The following ADAMTSL1 variants were observed in gnomAD, a reference collection of about 807,000 sequenced individuals.
The protein encoded by ADAMTSL1 is ADAMTS like 1, also known as ADAMTS-like protein 1.
Under a neutral mutation model 201.8 loss-of-function variants are expected in ADAMTSL1, and 126 were observed. That is an observed-to-expected ratio of 0.62 (90% CI 0.54 to 0.72). The LOEUF (loss-of-function observed/expected upper bound fraction) is 0.72. Ranked by LOEUF, ADAMTSL1 falls within the 30% of genes least tolerant of loss-of-function variation. The pLI is 0.00. For missense variants in ADAMTSL1, 2,679 were observed against 2,277.8 expected (o/e 1.18, Z -3.59); for synonymous variants, 1,121 against 903.4 (o/e 1.24, Z -4.32).
chr9:18,515,710 T>C (rs757896988), intron 2 of ADAMTSL1, among the ~76,000 whole-genome samples: 1 of 152,196 alleles, frequency 6.6e-6, no homozygotes, highest in East Asian at 1.9e-4. Context: ...AGAGAAGTCA[T>C]GGATACAAGC....
intron 1 of ADAMTSL1, among the ~76,000 whole-genome samples, chr9:17,994,025 C>T (rs927546054): frequency 1.3e-5 from 2 of 151,600 alleles, no homozygotes; most frequent in Non-Finnish European, 2.9e-5. Flanking sequence ...TTTTGCCCCT[C>T]AGTAATACAG....
intron 1 of ADAMTSL1, among the ~76,000 whole-genome samples, chr9:18,149,601 T>C (rs1826819088): frequency 1.3e-5 from 2 of 151,980 alleles, no homozygotes; most frequent in Admixed American, 6.6e-5. Flanking sequence ...GAACTGATAA[T>C]ATAATGAGAT....
chr9:18,341,354 A>G (rs1461620827), intron 2 of ADAMTSL1, among the ~76,000 whole-genome samples: 1 of 152,078 alleles, frequency 6.6e-6, no homozygotes, highest in Non-Finnish European at 1.5e-5. Flanking sequence ...TGCCTATCCA[A>G]CATTCTTCAT....
intron 2 of ADAMTSL1, among the ~76,000 whole-genome samples, chr9:18,229,081 G>A (rs1411186906): frequency 6.6e-6 from 1 of 152,086 alleles, no homozygotes; most frequent in Admixed American, 6.6e-5. Context: ...GCATAGGATG[G>A]AGAAGAGGCA....
In ADAMTSL1 at chr9:18,606,330, C is replaced by T. The variant is rs138488305; in HGVS notation, c.475-15913C>T. Reference sequence around the variant, plus strand: ...AAGTTTTTGTTTCCTGAGAAACTGCCCTTTGGGAATATCTTTGTTTTTTGA... The same window carrying T: ...AAGTTTTTGTTTCCTGAGAAACTGCTCTTTGGGAATATCTTTGTTTTTTGA... On this transcript the variant is annotated intron_variant, in intron 4 of 28. Transcript: ENST00000380548. 5.7e-3 allele frequency among the ~76,000 whole-genome samples: 872 copies of T among 152,132 alleles called. 13 individuals carry two copies. The highest frequency in any genetic ancestry group is 0.02 in the African/African-American group (831 of 41,496).
chr9:18,138,669 C>T (rs1280869215), intron 1 of ADAMTSL1, among the ~76,000 whole-genome samples: 3 of 152,054 alleles, frequency 2.0e-5, no homozygotes, highest in Non-Finnish European at 4.4e-5. Flanking sequence ...ACTATAGAGA[C>T]ACAGTAAGCG....
chr9:18,612,272 A>G (rs1051984877), intron 4 of ADAMTSL1, among the ~76,000 whole-genome samples: 1 of 152,144 alleles, frequency 6.6e-6, no homozygotes, highest in Non-Finnish European at 1.5e-5. Flanking sequence ...GTCCTTAGAG[A>G]TCTTTTTCTT....
At chr9:18,109,479 C>G (rs1272155882) in intron 1 of ADAMTSL1, among the ~76,000 whole-genome samples, 2 of 152,166 alleles carry the variant, frequency 1.3e-5, no homozygotes, top group East Asian at 3.9e-4. Context: ...CATCCTCCCT[C>G]CTGTCATCCA....
At chr9:18,158,592 T>C (rs1827254846) in intron 1 of ADAMTSL1, among the ~76,000 whole-genome samples, 1 of 152,080 alleles carries the variant, frequency 6.6e-6, no homozygotes, top group Non-Finnish European at 1.5e-5. Context: ...TTTACTGAAA[T>C]CTGGTAAACT....
rs563483223 is a variant in ADAMTSL1, at chr9:18,287,919, T to A, written c.207+123938T>A. ...TACTCCCTGAAGTATATGTAATTAA[T>A]GATAAGCTCAGCTTAGCAAATTAAA... On this transcript the variant is annotated intron_variant, in intron 2 of 29. Coordinates refer to the ADAMTSL1 transcript ENST00000680146. Among the ~76,000 whole-genome samples, 109 of 152,318 alleles carry A rather than the reference T, an allele frequency of 7.2e-4. No homozygotes were observed. The South Asian group carries it at 0.021, about 29-fold the overall frequency.
At chr9:18,479,873 C>T (rs989842165) in intron 1 of ADAMTSL1, among the ~76,000 whole-genome samples, 4 of 152,180 alleles carry the variant, frequency 2.6e-5, no homozygotes, top group Non-Finnish European at 4.4e-5. Context: ...ACATGTGAAG[C>T]GTTTCACTAT....
intron 2 of ADAMTSL1, among the ~76,000 whole-genome samples, chr9:18,173,278 C>T (rs183743744): frequency 6.3e-4 from 96 of 152,146 alleles, no homozygotes; most frequent in African/African-American, 2.0e-3. Flanking sequence ...AAAGTGACAA[C>T]GCTCGGTGCC....
At chr9:18,705,700 TC>T (rs1832189988) in intron 13 of ADAMTSL1, among the ~76,000 whole-genome samples, 1 of 152,216 alleles carries the variant, frequency 6.6e-6, no homozygotes, top group African/African-American at 2.4e-5. Flanking sequence ...TTTGCACCAT[TC>T]TTGGAAACTT....
intron 2 of ADAMTSL1, among the ~76,000 whole-genome samples, chr9:18,323,077 A>G (rs986813189): frequency 1.3e-5 from 2 of 152,196 alleles, no homozygotes; most frequent in Non-Finnish European, 2.9e-5. Flanking sequence ...AGAAAAAAGC[A>G]TGCTGCAAGA....
intron 2 of ADAMTSL1, among the ~76,000 whole-genome samples, chr9:18,298,746 G>T (rs928046392): frequency 6.6e-6 from 1 of 151,828 alleles, no homozygotes; most frequent in African/African-American, 2.4e-5. Context: ...ATAATAGGCC[G>T]GGCTCGGTGG....
intron 3 of ADAMTSL1, among the ~76,000 whole-genome samples, chr9:18,545,816 G>A (rs1820435093): frequency 6.6e-6 from 1 of 152,188 alleles, no homozygotes; most frequent in Admixed American, 6.5e-5. Flanking sequence ...CCCTTGGCAA[G>A]GCCCTACGGA....
intron 23 of ADAMTSL1, among the ~76,000 whole-genome samples, chr9:18,834,561 A>G (rs550335559): frequency 1.3e-4 from 20 of 152,280 alleles, no homozygotes; most frequent in African/African-American, 4.3e-4. Flanking sequence ...ACCACAATCA[A>G]TATAATGAAC....
intron 1 of ADAMTSL1, among the ~76,000 whole-genome samples, chr9:18,099,358 T>TA (rs1563999765): frequency 2.4e-5 from 2 of 83,648 alleles, no homozygotes; most frequent in Admixed American, 1.1e-4. Flanking sequence ...TATATATATT[T>TA]TTTTTTTTTT....
intron 1 of ADAMTSL1, among the ~76,000 whole-genome samples, chr9:18,092,773 T>C (rs545150591): frequency 1.3e-5 from 2 of 152,358 alleles, no homozygotes; most frequent in South Asian, 4.1e-4. Flanking sequence ...GATTTCACAC[T>C]TGCACTTAAT....
Sources: allele counts gnomAD v4.1 joint callset (sites outside exome capture counted in the v4.1 genomes callset), GRCh38; gene constraint gnomAD v4.1.1; transcripts MANE v1.5; gene names NCBI Gene and HGNC (gene_info 2026-07-23, HGNC 2026-07-21).